Variants in BICD1 observed in about 807,000 individuals in gnomAD.
BICD1 encodes protein bicaudal D homolog 1.
BICD1 carries 35 observed loss-of-function variants against 92.5 expected under a neutral mutation model. That is an observed-to-expected ratio of 0.38 (90% CI 0.29 to 0.50). The LOEUF (loss-of-function observed/expected upper bound fraction) is 0.50. BICD1 is among the 20% of genes least tolerant of loss of function. BICD1 has a pLI of 0.93. For synonymous variants in BICD1, 429 were observed against 465.1 expected (o/e 0.92, Z 1.00); for missense variants, 950 against 1,189.8 (o/e 0.80, Z 2.97).
intron 8 of BICD1, among the ~76,000 whole-genome samples, chr12:32,364,796 A>T (rs1939463599): frequency 6.6e-6 from 1 of 152,070 alleles, no homozygotes; most frequent in South Asian, 2.1e-4. Flanking sequence ...ACAAAAATTT[A>T]AAAAATTAGC....
intron 1 of BICD1, among the ~76,000 whole-genome samples, chr12:32,171,105 C>T (rs533119787): frequency 5.1e-4 from 77 of 152,350 alleles, no homozygotes; most frequent in African/African-American, 1.7e-3. Context: ...GTTTACTGCT[C>T]CTCCTGGGGA....
chr12:32,216,840 A>G (rs1201143657), intron 2 of BICD1, among the ~76,000 whole-genome samples: 1 of 152,184 alleles, frequency 6.6e-6, no homozygotes. Flanking sequence ...TCCAGCTGAC[A>G]GTGGTGTTGG....
At chr12:32,200,154 C>G (rs561822469) in intron 1 of BICD1, among the ~76,000 whole-genome samples, 1 of 152,314 alleles carries the variant, frequency 6.6e-6, no homozygotes, top group Admixed American at 6.5e-5. Context: ...TCAGCTGAAT[C>G]AGTTTGCTTT....
intron 3 of BICD1, among the ~76,000 whole-genome samples, chr12:32,296,246 G>T (rs866624435): frequency 9.2e-6 from 1 of 108,610 alleles, no homozygotes; most frequent in Non-Finnish European, 1.8e-5. Context: ...ATAAGAAGGG[G>T]TTTTTTTTTG....
At chr12:32,231,872 A>G (rs371770843) in intron 2 of BICD1, among the ~76,000 whole-genome samples, 1 of 151,562 alleles carries the variant, frequency 6.6e-6, no homozygotes, top group Non-Finnish European at 1.5e-5. Flanking sequence ...TTTACTGAGA[A>G]TGATGGTTTC....
chr12:32,164,151 G>A (rs1233115589), intron 1 of BICD1, among the ~76,000 whole-genome samples: 1 of 152,144 alleles, frequency 6.6e-6, no homozygotes, highest in East Asian at 1.9e-4. Flanking sequence ...TAAGTTGGAG[G>A]AGGAACTACC....
intron 1 of BICD1, among the ~76,000 whole-genome samples, chr12:32,197,271 A>G (rs1395677015): frequency 6.6e-6 from 1 of 152,142 alleles, no homozygotes; most frequent in African/African-American, 2.4e-5. Flanking sequence ...GGCCTCCCAA[A>G]GTGCTGGGAT....
chr12:32,193,667 A>G (rs191596688), intron 1 of BICD1, among the ~76,000 whole-genome samples: 5 of 152,336 alleles, frequency 3.3e-5, no homozygotes, highest in Admixed American at 2.0e-4. Context: ...TAAAAAAACT[A>G]GAAAATATAA....
At chr12:32,107,870 C>T in intron 1 of BICD1, 6 of 615,026 alleles carry the variant, frequency 9.8e-6, no homozygotes, top group Non-Finnish European at 1.5e-5. Context: ...CTTCTCAAAA[C>T]CGCTGTTATC....
At chr12:32,353,729 CT>C (rs1938987240) in intron 8 of BICD1, 2 of 151,870 alleles carry the variant, frequency 1.3e-5, no homozygotes, top group Non-Finnish European at 1.5e-5. Flanking sequence ...TCTTTTGTTT[CT>C]TTTTGATGAT....
At chr12:32,188,506 C>A (rs750724285) in intron 1 of BICD1, among the ~76,000 whole-genome samples, 7 of 152,154 alleles carry the variant, frequency 4.6e-5, no homozygotes, top group Non-Finnish European at 5.9e-5. Context: ...TAAAAAAATA[C>A]GTAGTCTTAA....
intron 4 of BICD1, among the ~76,000 whole-genome samples, chr12:32,307,926 G>T (rs1264336130): frequency 2.0e-5 from 3 of 152,138 alleles, no homozygotes; most frequent in Admixed American, 1.3e-4. Context: ...AAAGTTAGTG[G>T]GTTCAGGCTT....
intron 1 of BICD1, among the ~76,000 whole-genome samples, chr12:32,148,142 CA>C (rs10525262): frequency 5.0e-5 from 3 of 60,584 alleles, no homozygotes; most frequent in African/African-American, 1.3e-4. Flanking sequence ...ACTCCGTCTC[CA>C]AAAAAAAAAG....
chr12:32,127,454 G>A (rs1204988773), intron 1 of BICD1, among the ~76,000 whole-genome samples: 1 of 152,068 alleles, frequency 6.6e-6, no homozygotes, highest in Non-Finnish European at 1.5e-5. Flanking sequence ...AATTTCCAAT[G>A]TGTGTTTTGT....
chr12:32,131,124 C>G (rs971738386), intron 1 of BICD1, among the ~76,000 whole-genome samples: 1 of 152,064 alleles, frequency 6.6e-6, no homozygotes, highest in African/African-American at 2.4e-5. Flanking sequence ...TGTGAGTCAC[C>G]ACGCCAGGCT....
chr12:32,223,690 T>G (rs1046451717), intron 2 of BICD1, among the ~76,000 whole-genome samples: 1 of 152,224 alleles, frequency 6.6e-6, no homozygotes, highest in South Asian at 2.1e-4. Context: ...ACTTTTCCTT[T>G]GCATTCACAA....
intron 2 of BICD1, among the ~76,000 whole-genome samples, chr12:32,289,596 G>A (rs1947671014): frequency 6.6e-6 from 1 of 152,152 alleles, no homozygotes; most frequent in Non-Finnish European, 1.5e-5. Flanking sequence ...ATGTTGGCCA[G>A]GATGGTTTGA....
intron 2 of BICD1, among the ~76,000 whole-genome samples, chr12:32,289,243 G>A (rs1399681886): frequency 6.6e-6 from 1 of 152,232 alleles, no homozygotes; most frequent in East Asian, 1.9e-4. Flanking sequence ...CATACCCACA[G>A]AGTGTGAAAG....
chr12:32,166,017 G>T (rs1359201451), intron 1 of BICD1, among the ~76,000 whole-genome samples: 1 of 152,098 alleles, frequency 6.6e-6, no homozygotes, highest in African/African-American at 2.4e-5. Context: ...ATGAAGCAGA[G>T]ATTGTAGAGA....
Sources: allele counts gnomAD v4.1 joint callset (sites outside exome capture counted in the v4.1 genomes callset), GRCh38; gene constraint gnomAD v4.1.1; transcripts MANE v1.5; gene names NCBI Gene and HGNC (gene_info 2026-07-23, HGNC 2026-07-21).